Variants in MROH7 observed in about 807,000 individuals in gnomAD.
The protein encoded by MROH7 is maestro heat-like repeat-containing protein family member 7.
A neutral mutation model predicts 129.2 loss-of-function variants in MROH7; 113 were observed. The ratio of observed to expected loss-of-function variants is 0.87; its 90% CI spans 0.75 to 1.02. The LOEUF (loss-of-function observed/expected upper bound fraction) is 1.02, where lower values mean the gene tolerates loss of function less well. MROH7 is among the 50% of genes least tolerant of loss of function. The probability of loss-of-function intolerance (pLI) is 0.00; values close to 1 mark genes in which losing one functional copy is unlikely to be tolerated. For synonymous variants in MROH7, 655 were observed against 667.9 expected, an observed-to-expected ratio of 0.98 and a Z score of 0.30; for missense variants, 1,601 against 1,671.3, an observed-to-expected ratio of 0.96 and a Z score of 0.73.
chr1:54,679,647 C>G (rs539727337), intron 12 of MROH7, among the ~76,000 whole-genome samples: 28 of 152,192 alleles, frequency 1.8e-4, no homozygotes, highest in Non-Finnish European at 3.8e-4. Flanking sequence ...AGGAGCTCAA[C>G]TGACTTGGTG....
At chr1:54,654,293 TAG>T in intron 3 of MROH7, 136 bp downstream of exon 3, 1 of 893,936 alleles carries the variant, frequency 1.1e-6, no homozygotes, top group Non-Finnish European at 1.6e-6. Context: ...AATTCTATAC[TAG>T]ACATCTAATA....
At position 54,668,887 on chromosome 1, in the gene MROH7, G is replaced by A. The variant is rs1418207026; in HGVS notation, c.1339G>A (p.Asp447Asn). 6.2e-7 allele frequency: 1 copy of A among 1,612,414 alleles called. No individual in the cohort carries two copies. Among genetic ancestry groups the A allele is most frequent in the Non-Finnish European group, 8.5e-7 (1 of 1,179,006 alleles). ...TGTCACCACCCTTCAGAAGAGCCAGGATCTGCTGGAGGCAGAAGGAGAAAA... is the reference window on the plus strand; with the variant it reads ...TGTCACCACCCTTCAGAAGAGCCAGAATCTGCTGGAGGCAGAAGGAGAAAA... The part of the protein sequence containing the change: ...ENVTTLQKSQ[D>N]LLEAEGEKKT... Residue 447 changes from aspartate (D) to asparagine (N), a missense_variant, in exon 5 of 24, where the codon GAT becomes AAT. Asp to Asn is a conservative substitution (Grantham distance 23). Transcript: ENST00000421030.
chr1:54,655,807 A>G (rs1255245728), intron 3 of MROH7, among the ~76,000 whole-genome samples: 1 of 151,974 alleles, frequency 6.6e-6, no homozygotes, highest in Non-Finnish European at 1.5e-5. Context: ...TCCTTTACAT[A>G]GGATATATGC....
At chr1:54,679,551 C>T (rs1210650613) in intron 12 of MROH7, 112 bp downstream of exon 12, 3 of 1,197,644 alleles carry the variant, frequency 2.5e-6, no homozygotes, top group African/African-American at 1.5e-5. Flanking sequence ...TATACCTGAA[C>T]CCCCTAAGCC....
chr1:54,679,816 T>G (rs1645040363), intron 12 of MROH7, 75 bp from the exon 13 acceptor site: 2 of 1,439,456 alleles, frequency 1.4e-6, no homozygotes, highest in Non-Finnish European at 1.9e-6. Flanking sequence ...CCCTTCCCTC[T>G]CCTCCCACCT....
At chr1:54,682,038 A>G (rs141856680) in intron 13 of MROH7, among the ~76,000 whole-genome samples, 25 of 152,298 alleles carry the variant, frequency 1.6e-4, no homozygotes, top group African/African-American at 5.5e-4. Flanking sequence ...GTATTCCCCA[A>G]GATTTGCGTA....
chr1:54,679,526 G>A lies in MROH7; in HGVS notation c.2226+87G>A, dbSNP rs75648714. ...CTGCTCATCACTGGCCGGCCAGACA[G>A]TGGGCAGGGTGGGGTATACCTGAAC... On this transcript the variant is annotated intron_variant, in intron 12 of 23. Transcript: ENST00000421030. 3.8e-4 allele frequency: 537 copies of A among 1,421,224 alleles called. 4 individuals carry two copies. The African/African-American group carries it at 6.9e-3, about 18-fold the overall frequency. 88.0% of individuals were successfully genotyped at this position (1,421,224 alleles called of 1,614,324 possible). A position where few individuals can be genotyped will look rare whatever the true frequency, so the allele number is the denominator to read the frequency against.
intron 14 of MROH7, among the ~76,000 whole-genome samples, chr1:54,685,947 A>G (rs1645140514): frequency 6.6e-6 from 1 of 152,128 alleles, no homozygotes; most frequent in East Asian, 1.9e-4. Flanking sequence ...CATCTGCAAA[A>G]TGAGATCAAG....
chr1:54,682,550 TG>T (rs1200515434), intron 13 of MROH7, 105 bp from the exon 14 acceptor site: 18 of 1,106,566 alleles, frequency 1.6e-5, no homozygotes, highest in Non-Finnish European at 2.4e-5. Flanking sequence ...TGCCCATGGA[TG>T]CCATTTCATT....
At position 54,709,018 on chromosome 1, in the gene MROH7, C is replaced by G. The variant is rs779940688; in HGVS notation, c.3672C>G (p.Ser1224=). The change falls in exon 23 of 24, where the codon TCC becomes TCG. Residue 1224 remains serine (S), a synonymous_variant. Coordinates refer to ENST00000421030, the MANE Select transcript of MROH7 (RefSeq NM_001039464.4). ...LRKCSVMFIG[S]LVPCMESIMT... ...ACTTCTTGGATTACGCTCAAGGGTCCCTGGTCCCCTGCATGGAGAGCATAA... is the reference window on the plus strand; with the variant it reads ...ACTTCTTGGATTACGCTCAAGGGTCGCTGGTCCCCTGCATGGAGAGCATAA... 1.3e-5 allele frequency: 21 copies of G among 1,614,162 alleles called. No individual in the cohort carries two copies. The highest frequency in any genetic ancestry group is 1.7e-5 in the Non-Finnish European group (20 of 1,180,020).
At chr1:54,649,132 G>A (rs2570772) in intron 1 of MROH7, among the ~76,000 whole-genome samples, 27,021 of 152,208 alleles carry the variant, frequency 0.18, 3,073 homozygotes, top group South Asian at 0.32. Context: ...TGATAACAGT[G>A]TGTTCTCAAT....
intron 22 of MROH7, 31 bp downstream of exon 22, chr1:54,706,568 G>T: frequency 1.3e-6 from 2 of 1,518,394 alleles, no homozygotes; most frequent in African/African-American, 1.4e-5. Flanking sequence ...TCATCCTGCT[G>T]CCAGGGCTCT....
chr1:54,663,259 C>T (rs1173518940), intron 3 of MROH7, among the ~76,000 whole-genome samples: 1 of 151,944 alleles, frequency 6.6e-6, no homozygotes. Context: ...GGCTATAATC[C>T]GTTTTTTTCA....
At chr1:54,678,979 C>A (rs976823080) in intron 11 of MROH7, 125 bp downstream of exon 11, 4 of 781,764 alleles carry the variant, frequency 5.1e-6, no homozygotes, top group Non-Finnish European at 8.6e-6. Flanking sequence ...CAGCCACCCA[C>A]GCCTGTCCTG....
rs58698057 is a variant in MROH7 at position 54,648,617 on chromosome 1, C to T, written c.-109-3332C>T. Among the ~76,000 whole-genome samples the T allele has an allele frequency of 8.9e-3, 1,358 of 152,138 alleles. 21 individuals carry two copies. Among genetic ancestry groups the T allele is most frequent in the African/African-American group, 0.031 (1,276 of 41,492 alleles). On this transcript the variant is annotated intron_variant, in intron 1 of 23. Coordinates refer to ENST00000421030, the MANE Select transcript of MROH7 (RefSeq NM_001039464.4). ...CTGACCTCAGATGATCCACCCAGCT[C>T]GGCCTCCCAGAGTGCTGGGATTACA...
intron 7 of MROH7, among the ~76,000 whole-genome samples, chr1:54,672,235 A>G (rs1188111670): frequency 6.6e-6 from 1 of 151,550 alleles, no homozygotes; most frequent in African/African-American, 2.4e-5. Context: ...AGTAATCTGC[A>G]GAGATGGGCA....
At chr1:54,687,045 C>CTTATTTATTTAT (rs143476331) in intron 15 of MROH7, among the ~76,000 whole-genome samples, 29 of 145,522 alleles carry the variant, frequency 2.0e-4, no homozygotes, top group Admixed American at 3.4e-4. Context: ...GAGCTGTCTC[C>CTTATTTATTTAT]TTATTTATTT....
intron 10 of MROH7, among the ~76,000 whole-genome samples, chr1:54,678,355 G>T (rs117130297): frequency 6.6e-6 from 1 of 152,334 alleles, no homozygotes; most frequent in East Asian, 1.9e-4. Flanking sequence ...AAATTATACA[G>T]CACTGAGAAT....
chr1:54,706,419 T>C lies in MROH7; in HGVS notation c.3565-16T>C. 6.3e-7 allele frequency: 1 copy of C among 1,597,588 alleles called. No homozygotes were observed. Among genetic ancestry groups the C allele is most frequent in the Non-Finnish European group, 8.6e-7 (1 of 1,168,740 alleles). On this transcript the variant is annotated splice_polypyrimidine_tract_variant and intron_variant, in intron 21 of 23. Coordinates refer to ENST00000421030, the MANE Select transcript of MROH7 (RefSeq NM_001039464.4). ...CTCTGAGAGGCCAGCACTTTTGGGG[T>C]TTCTCTTTGTCCTAGGTGAACACCC...
Sources: gnomAD v4.1 joint callset for allele counts (sites outside exome capture counted in the v4.1 genomes callset) on GRCh38, gnomAD v4.1.1 for gene constraint, MANE v1.5 for transcripts, NCBI Gene and HGNC (gene_info 2026-07-23, HGNC 2026-07-21) for gene names.